The following AP1B1 variants were observed in gnomAD, a reference collection of about 807,000 sequenced individuals.
The protein encoded by AP1B1 is AP-1 complex subunit beta-1.
In AP1B1, 36 loss-of-function variants were observed where a neutral mutation model predicts 104.3. The ratio of observed to expected loss-of-function variants is 0.35; its 90% CI spans 0.26 to 0.46. The LOEUF (loss-of-function observed/expected upper bound fraction) is 0.46, where lower values mean the gene tolerates loss of function less well. AP1B1 is among the 20% of genes least tolerant of loss of function. The pLI, the probability that AP1B1 is intolerant of heterozygous loss-of-function variation, is 1.00. For missense variants in AP1B1, 901 were observed against 1,247.9 expected (o/e 0.72, Z 4.19); for synonymous variants, 504 against 517.5 (o/e 0.97, Z 0.35).
intron 1 of AP1B1, among the ~76,000 whole-genome samples, chr22:29,374,209 A>T (rs951976122): frequency 1.3e-5 from 2 of 152,156 alleles, no homozygotes; most frequent in Admixed American, 6.5e-5. Flanking sequence ...CTAAAAAAAA[A>T]TTTTGTTTTT....
intron 3 of AP1B1, among the ~76,000 whole-genome samples, chr22:29,360,287 C>T (rs1390979414): frequency 6.6e-6 from 1 of 152,160 alleles, no homozygotes; most frequent in Non-Finnish European, 1.5e-5. Context: ...CCTGCCCCCT[C>T]GCCCTGAGTC....
intron 16 of AP1B1, among the ~76,000 whole-genome samples, chr22:29,334,805 A>G (rs1286918492): frequency 1.3e-5 from 2 of 152,198 alleles, no homozygotes; most frequent in Non-Finnish European, 2.9e-5. Flanking sequence ...TCAGTGCCCA[A>G]TGGCATCCTG....
chr22:29,357,095 GCT>G (rs2061971302), intron 5 of AP1B1, among the ~76,000 whole-genome samples: 1 of 149,146 alleles, frequency 6.7e-6, no homozygotes, highest in African/African-American at 2.5e-5. Context: ...ATGGAGTTGT[GCT>G]CTGTCGCCCA....
Position 29,341,543 on chromosome 22 carries a change from C to G in AP1B1, c.1754G>C (p.Gly585Ala), listed in dbSNP as rs1380333484. The part of the protein sequence containing the change: ...HKPPSAFVEG[G>A]RGVVHKSLPP... ...CAGGCTCTTGTGCACGACGCCCCGG[C>G]CCCCCTCCACAAAGGCACTGGGAGG... The change falls in exon 13 of 23, where the codon GGC becomes GCC. Residue 585 changes from glycine (G) to alanine (A), a missense_variant. Gly to Ala is a moderately conservative substitution (Grantham distance 60). Around this residue, in one of 3 missense-constraint regions of AP1B1, gnomAD observed 424 missense variants for 494.0 expected, o/e 0.86. Coordinates refer to ENST00000357586, the MANE Select transcript of AP1B1 (RefSeq NM_001127.4). The G allele has an allele frequency of 8.1e-6, 13 of 1,614,002 alleles. No homozygotes were observed. The highest frequency in any genetic ancestry group is 1.0e-5 in the Non-Finnish European group (12 of 1,179,920).
chr22:29,350,998 G>C (rs1398423421), intron 9 of AP1B1, among the ~76,000 whole-genome samples, 173 bp downstream of exon 9: 1 of 151,698 alleles, frequency 6.6e-6, no homozygotes, highest in Non-Finnish European at 1.5e-5. Context: ...ATACTATAGA[G>C]TGAGAAGGAA....
intron 1 of AP1B1, among the ~76,000 whole-genome samples, chr22:29,381,890 C>T (rs2062442187): frequency 6.6e-6 from 1 of 151,748 alleles, no homozygotes; most frequent in Admixed American, 6.6e-5. Flanking sequence ...TATCTCTACC[C>T]TTGCTGATCC....
chr22:29,348,220 G>A (rs1342400202), intron 11 of AP1B1, among the ~76,000 whole-genome samples: 3 of 152,166 alleles, frequency 2.0e-5, no homozygotes, highest in African/African-American at 7.2e-5. Flanking sequence ...TTGCAAATAC[G>A]TGCAGAACCG....
In AP1B1 at chr22:29,349,149, G is replaced by A. The variant is rs905007149; in HGVS notation, c.1437+69C>T. The A allele has an allele frequency of 1.8e-5, 28 of 1,567,050 alleles. 1 individual carries two copies. In the South Asian group the frequency reaches 3.2e-4, roughly 18 times the overall value. ...AGGTAATAGGAAGGGAGGGTTTCAT[G>A]GCAGTATGGGCCACAGTGGGGCTGA... On this transcript the variant is annotated intron_variant, in intron 11 of 22. Coordinates refer to ENST00000357586, the MANE Select transcript of AP1B1 (RefSeq NM_001127.4).
chr22:29,347,676 G>A (rs1162908899), intron 11 of AP1B1, among the ~76,000 whole-genome samples: 1 of 152,192 alleles, frequency 6.6e-6, no homozygotes, highest in Non-Finnish European at 1.5e-5. Flanking sequence ...AATGCAAACA[G>A]AACTACAGTG....
At position 29,358,459 on chromosome 22, in the gene AP1B1, T is replaced by C. The variant is rs79544391; in HGVS notation, c.525+267A>G. 8.3e-3 allele frequency among the ~76,000 whole-genome samples: 1,266 copies of C among 152,292 alleles called. 13 individuals carry two copies. Among genetic ancestry groups the C allele is most frequent in the Non-Finnish European group, 0.01 (701 of 68,014 alleles). The stretch of plus-strand genomic sequence containing the variant: ...CAGCACTCCTGCCAGCCACGTAGAA[T>C]GAGATCCATCTCACTGATGAAGAAA... On this transcript the variant is annotated intron_variant, in intron 5 of 22. Transcript: ENST00000357586.
rs2061509461 is a variant in AP1B1 at position 29,328,483 on chromosome 22, G to A, written c.*338C>T. On this transcript the variant is annotated 3_prime_UTR_variant, in exon 23 of 23. Transcript: ENST00000357586. This position sits in a 1 kb window ranked among gnomAD's most constrained non-coding sequence, Gnocchi z 4.1. The stretch of plus-strand genomic sequence containing the variant: ...GAGACCAAGGAGCCAGGGGCTGCCG[G>A]GGCTGTGAGCCGGAGGGGCAAGCTC... 7.7e-6 allele frequency: 2 copies of A among 258,670 alleles called. No individual in the cohort carries two copies. 16.0% of individuals were successfully genotyped at this position (258,670 alleles called of 1,614,324 possible). A position where few individuals can be genotyped will look rare whatever the true frequency, so the allele number is the denominator to read the frequency against.
chr22:29,379,941 G>A (rs1424104502), intron 1 of AP1B1, among the ~76,000 whole-genome samples: 1 of 152,216 alleles, frequency 6.6e-6, no homozygotes, highest in Non-Finnish European at 1.5e-5. Flanking sequence ...TGAGAGATGA[G>A]TGATTTACCT....
chr22:29,377,503 T>G (rs1332778166), intron 1 of AP1B1, among the ~76,000 whole-genome samples: 2 of 152,172 alleles, frequency 1.3e-5, no homozygotes, highest in Non-Finnish European at 2.9e-5. Flanking sequence ...AGACACTATG[T>G]AAAGAGCTTT....
rs775515971 is a variant in AP1B1, at chr22:29,359,996, G to A, written c.144-37C>T. 6.9e-6 allele frequency: 11 copies of A among 1,595,802 alleles called. No homozygotes were observed. In the East Asian group the frequency reaches 2.3e-4, roughly 33 times the overall value. On this transcript the variant is annotated intron_variant, in intron 3 of 22. Coordinates refer to ENST00000357586, the MANE Select transcript of AP1B1 (RefSeq NM_001127.4). ...AAATGGTGTCAGCATGGGAAAGGCT[G>A]AACAAAGGAAGAGGAAGATTTTCAG...
intron 12 of AP1B1, 60 bp downstream of exon 12, chr22:29,342,225 A>C: frequency 7.0e-7 from 1 of 1,432,824 alleles, no homozygotes; most frequent in Non-Finnish European, 9.7e-7. Flanking sequence ...TCCTGGGACA[A>C]AAGTTCCCCT....
At position 29,339,751 on chromosome 22, in the gene AP1B1, T is replaced by A; in HGVS notation, c.2019+3A>T. On this transcript the variant is annotated splice_donor_region_variant and intron_variant, in intron 15 of 22. Coordinates refer to ENST00000357586, the MANE Select transcript of AP1B1 (RefSeq NM_001127.4). ...GCTTGGTGACGCAAGGGTTGAACCATACCCCTTCAGGCTCATCCCCCATCT... is the reference window on the plus strand; with the variant it reads ...GCTTGGTGACGCAAGGGTTGAACCAAACCCCTTCAGGCTCATCCCCCATCT... The A allele has an allele frequency of 1.2e-6, 2 of 1,609,090 alleles. No homozygotes were observed. Among genetic ancestry groups the A allele is most frequent in the Non-Finnish European group, 1.7e-6 (2 of 1,177,918 alleles).
intron 16 of AP1B1, among the ~76,000 whole-genome samples, chr22:29,338,414 C>T (rs1198376020): frequency 6.6e-6 from 1 of 152,238 alleles, no homozygotes; most frequent in Non-Finnish European, 1.5e-5. Context: ...CTGCAGCAAA[C>T]ACCTGGCAAC....
Position 29,340,672 on chromosome 22 carries a change from C to T in AP1B1, c.1982G>A (p.Gly661Asp). ...VQMGAVDLLG[G>D]GLDSLMGDEP... ...ACAACATACCAGGCTGTCAAGGCCA[C>T]CGCCAAGAAGGTCCACAGCTCCCAT... Residue 661 changes from glycine (G) to aspartate (D), a missense_variant, in exon 14 of 23, where the codon GGT (glycine) becomes GAT (aspartate). Gly to Asp is a moderately conservative substitution (Grantham distance 94). Transcript: ENST00000357586. 6.4e-7 allele frequency: 1 copy of T among 1,563,034 alleles called. No homozygotes were observed. Among genetic ancestry groups the T allele is most frequent in the Admixed American group, 1.9e-5 (1 of 52,524 alleles).
chr22:29,383,922 C>A (rs2062479124), intron 1 of AP1B1, among the ~76,000 whole-genome samples: 1 of 152,066 alleles, frequency 6.6e-6, no homozygotes, highest in Non-Finnish European at 1.5e-5. Flanking sequence ...AGGTCAAGTC[C>A]AAGGCTAAAG....
Sources: gnomAD v4.1 joint callset for allele counts (sites outside exome capture counted in the v4.1 genomes callset) on GRCh38, gnomAD v4.1.1 for gene constraint, gnomAD v4.1.1 regional missense constraint, Gnocchi (gnomAD v3.1) non-coding constraint, MANE v1.5 for transcripts, NCBI Gene and HGNC (gene_info 2026-07-23, HGNC 2026-07-21) for gene names.